TTC28: variants seen among roughly 807,000 people sequenced by gnomAD.
TTC28 encodes tetratricopeptide repeat domain 28, also known as tetratricopeptide repeat protein 28.
TTC28 carries 61 observed loss-of-function variants against 198.0 expected under a neutral mutation model. That is an observed-to-expected ratio of 0.31 (90% confidence interval 0.25 to 0.38). The LOEUF (loss-of-function observed/expected upper bound fraction) is 0.38, where lower values mean the gene tolerates loss of function less well. Ranked by LOEUF, TTC28 falls within the 10% of genes least tolerant of loss-of-function variation. The probability of loss-of-function intolerance (pLI) is 1.00; values close to 1 mark genes in which losing one functional copy is unlikely to be tolerated. For missense variants in TTC28, 2,678 were observed against 3,164.0 expected (o/e 0.85, Z 3.69); for synonymous variants, 1,171 against 1,297.8 (o/e 0.90, Z 2.10).
intron 2 of TTC28, among the ~76,000 whole-genome samples, chr22:28,331,074 GA>G (rs902435922): frequency 1.3e-5 from 2 of 152,158 alleles, no homozygotes; most frequent in African/African-American, 4.8e-5. Flanking sequence ...GAAAGGAGAA[GA>G]AATGGAACTG....
chr22:28,312,027 T>C (rs1328219893), intron 2 of TTC28, among the ~76,000 whole-genome samples: 5 of 103,566 alleles, frequency 4.8e-5, no homozygotes. Flanking sequence ...ACCAAGCAAA[T>C]AGAAAGCAAA....
chr22:28,006,350 C>T (rs1937928530), intron 14 of TTC28, among the ~76,000 whole-genome samples: 1 of 152,212 alleles, frequency 6.6e-6, no homozygotes, highest in Admixed American at 6.5e-5. Context: ...ATGCCTGGCA[C>T]TGGTGTGCAC....
At position 28,548,849 on chromosome 22, in the gene TTC28, T is replaced by C. The variant is rs143005626; in HGVS notation, c.381+80703A>G. Among the ~76,000 whole-genome samples the C allele has an allele frequency of 2.4e-4, 36 of 152,308 alleles. No homozygotes were observed. The East Asian group carries it at 6.7e-3, about 29-fold the overall frequency. ...TCCCCTACCTATGATGCCTCTTTTA[T>C]TCACATCCAAATCCTACCAATCCTT... On this transcript the variant is annotated intron_variant, in intron 2 of 22. Transcript: ENST00000397906.
chr22:28,672,849 A>G (rs1359253365), intron 1 of TTC28, among the ~76,000 whole-genome samples: 1 of 152,246 alleles, frequency 6.6e-6, no homozygotes, highest in Non-Finnish European at 1.5e-5. Flanking sequence ...CTTTTTCATC[A>G]TAGCTATACT....
intron 12 of TTC28, among the ~76,000 whole-genome samples, chr22:28,086,514 G>C (rs552479922): frequency 6.6e-5 from 10 of 152,154 alleles, no homozygotes; most frequent in Non-Finnish European, 1.2e-4. Flanking sequence ...GTTCAAAGCA[G>C]TGTGTAGAGG....
intron 2 of TTC28, among the ~76,000 whole-genome samples, chr22:28,340,649 T>G (rs1268517941): frequency 6.6e-6 from 1 of 152,186 alleles, no homozygotes; most frequent in Non-Finnish European, 1.5e-5. Flanking sequence ...CAAATGGAAG[T>G]CTTTCCTTAA....
chr22:28,365,349 T>A (rs1266882718), intron 2 of TTC28, among the ~76,000 whole-genome samples: 4 of 152,334 alleles, frequency 2.6e-5, no homozygotes, highest in African/African-American at 9.6e-5. Flanking sequence ...AGTATTTGCT[T>A]TATTGCAACA....
intron 2 of TTC28, among the ~76,000 whole-genome samples, chr22:28,538,256 T>G (rs1449236991): frequency 6.6e-6 from 1 of 152,062 alleles, no homozygotes; most frequent in Non-Finnish European, 1.5e-5. Flanking sequence ...GGCTAATTTT[T>G]TTTATATTTT....
rs562173522 is a variant in TTC28 at position 28,014,332 on chromosome 22, G to C, written c.4134C>G (p.Thr1378=). 29 of 1,551,660 alleles carry C rather than the reference G, an allele frequency of 1.9e-5. No homozygotes were observed. In the African/African-American group the frequency reaches 2.1e-4, roughly 11 times the overall value. ...AGCTCTGCCTCCTGGGAAGAGAGGA[G>C]GTCCCGTCCTGGGTCGGTGACACAG... ...SNTVSPTQDG[T]SSLPRRQSSF... Residue 1378 remains threonine (T), a synonymous_variant, in exon 14 of 23, where the codon ACC becomes ACG. Transcript: ENST00000397906.
rs147966393 is a variant in TTC28 at position 28,289,217 on chromosome 22, C to T, written c.933+6981G>A. Among the ~76,000 whole-genome samples the T allele has an allele frequency of 5.3e-5, 8 of 152,224 alleles. No individual in the cohort carries two copies. The East Asian group carries it at 1.5e-3, about 29-fold the overall frequency. On this transcript the variant is annotated intron_variant, in intron 5 of 22. Coordinates refer to ENST00000397906, the MANE Select transcript of TTC28 (RefSeq NM_001145418.2). The stretch of plus-strand genomic sequence containing the variant: ...TGCAGAAATAGGCACAGATTGAGGG[C>T]TCAGTCAACAGAGTTGAAGGTATGT...
At chr22:28,380,381 C>T (rs1431984651) in intron 2 of TTC28, among the ~76,000 whole-genome samples, 4 of 151,984 alleles carry the variant, frequency 2.6e-5, no homozygotes, top group African/African-American at 7.2e-5. Context: ...CTACATATAA[C>T]AAAATCAAAA....
intron 2 of TTC28, among the ~76,000 whole-genome samples, chr22:28,556,370 C>T (rs2049786360): frequency 6.6e-6 from 1 of 151,974 alleles, no homozygotes. Context: ...AAAAAAAAGC[C>T]CTATTTCTCT....
rs1569064971 is a variant in TTC28 at position 27,983,179 on chromosome 22, G to C, written c.6488C>G (p.Ala2163Gly). The C allele has an allele frequency of 6.4e-7, 1 of 1,551,808 alleles. No individual in the cohort carries two copies. The highest frequency in any genetic ancestry group is 1.4e-5 in the African/African-American group (1 of 73,172). The change falls in exon 23 of 23, where the codon GCC (alanine) becomes GGC (glycine). Residue 2163 changes from alanine (A) to glycine (G), a missense_variant. Physicochemically the swap from Ala to Gly is moderately conservative, Grantham distance 60 (BLOSUM62 0). Transcript: ENST00000397906. ...SNPKLDPQEL[A>G]QKILEETQSH... ...CTGTGTCTCCTCCAGAATTTTCTGG[G>C]CTAACTCTTGTGGATCCAGTTTTGG...
chr22:28,627,908 TTTA>T (rs1011714564), intron 2 of TTC28, among the ~76,000 whole-genome samples: 1 of 151,626 alleles, frequency 6.6e-6, no homozygotes, highest in Non-Finnish European at 1.5e-5. Flanking sequence ...TACTATGACT[TTTA>T]TTATTATTAT....
intron 2 of TTC28, among the ~76,000 whole-genome samples, chr22:28,435,052 T>C (rs915001604): frequency 2.5e-4 from 38 of 152,328 alleles, no homozygotes; most frequent in African/African-American, 8.7e-4. Context: ...ATAGTTCAAA[T>C]TGAGAGATAT....
chr22:28,574,384 G>A (rs1424823362), intron 2 of TTC28, among the ~76,000 whole-genome samples: 1 of 146,152 alleles, frequency 6.8e-6, no homozygotes, highest in Non-Finnish European at 1.6e-5. Flanking sequence ...TGTTGTGTGT[G>A]AGTGTGTGTG....
intron 6 of TTC28, among the ~76,000 whole-genome samples, chr22:28,157,498 T>C (rs1217544298): frequency 3.9e-5 from 6 of 152,208 alleles, no homozygotes; most frequent in Non-Finnish European, 8.8e-5. Flanking sequence ...TACAGGCCGA[T>C]ATCCCTGATG....
intron 2 of TTC28, among the ~76,000 whole-genome samples, chr22:28,367,903 G>A (rs1374777125): frequency 6.6e-6 from 1 of 151,916 alleles, no homozygotes; most frequent in African/African-American, 2.4e-5. Flanking sequence ...AACAAGTAAT[G>A]AGATTAAAGC....
intron 2 of TTC28, among the ~76,000 whole-genome samples, chr22:28,396,751 C>T (rs1029221439): frequency 6.6e-5 from 10 of 152,134 alleles, no homozygotes; most frequent in Non-Finnish European, 1.2e-4. Context: ...CCAATAGAGA[C>T]ACTATAATAA....
Sources: allele counts gnomAD v4.1 joint callset (sites outside exome capture counted in the v4.1 genomes callset), GRCh38; gene constraint gnomAD v4.1.1; transcripts MANE v1.5; gene names NCBI Gene and HGNC (gene_info 2026-07-23, HGNC 2026-07-21).